DCPS: variants seen among roughly 807,000 people sequenced by gnomAD.
DCPS encodes decapping enzyme, scavenger.
In DCPS, 27 loss-of-function variants were observed where a neutral mutation model predicts 34.7. The observed-to-expected ratio is 0.78, with a 90% CI of 0.57 to 1.07. The LOEUF (loss-of-function observed/expected upper bound fraction) is 1.07. DCPS is among the 50% of genes least tolerant of loss of function. The probability of loss-of-function intolerance (pLI) is 0.00; values close to 1 mark genes in which losing one functional copy is unlikely to be tolerated. For synonymous variants in DCPS, 185 were observed against 185.7 expected, an observed-to-expected ratio of 1.00 and a Z score of 0.03; for missense variants, 464 against 436.9, an observed-to-expected ratio of 1.06 and a Z score of -0.55.
At chr11:126,304,808 C>A (rs1403913479) in intron 1 of DCPS, among the ~76,000 whole-genome samples, 1 of 152,236 alleles carries the variant, frequency 6.6e-6, no homozygotes, top group Admixed American at 6.5e-5. Context: ...AAGTTACCAT[C>A]CCTGATCTTC....
At chr11:126,330,719 A>ATATATATATATATT (rs1951781709) in intron 2 of DCPS, among the ~76,000 whole-genome samples, 1 of 18,884 alleles carries the variant, frequency 5.3e-5, no homozygotes, top group Non-Finnish European at 8.8e-5. Context: ...ATATATATAT[A>ATATATATATATATT]TTTTTTTTTT....
At chr11:126,321,504 C>G (rs1400617246) in intron 2 of DCPS, among the ~76,000 whole-genome samples, 1 of 152,054 alleles carries the variant, frequency 6.6e-6, no homozygotes, top group East Asian at 1.9e-4. Context: ...GAGAATCTGC[C>G]CAGCCCGAGA....
rs1951942358 is a variant in DCPS, at chr11:126,347,310, G to A, written c.*1697G>A. On this transcript the variant is annotated 3_prime_UTR_variant, in exon 6 of 6. Transcript: ENST00000263579. This position sits in a 1 kb window ranked among gnomAD's most constrained non-coding sequence, Gnocchi z 4.2. ...ACAATCTCGACTCACTGCAACCTCT[G>A]CCTCCTGGGTTCAAGTGATTCTCCT... Among the ~76,000 whole-genome samples the A allele has an allele frequency of 6.8e-6, 1 of 146,904 alleles. No individual in the cohort carries two copies. Among genetic ancestry groups the A allele is most frequent in the African/African-American group, 2.5e-5 (1 of 39,482 alleles).
chr11:126,331,438 A>G lies in DCPS; in HGVS notation c.410A>G (p.Glu137Gly). The change falls in exon 3 of 6, where the codon GAG becomes GGG. Residue 137 changes from glutamate to glycine, a missense_variant. By Grantham distance (98) the Glu-to-Gly change is moderately conservative. Transcript: ENST00000263579. This position sits in a 1 kb window ranked among gnomAD's most constrained non-coding sequence, Gnocchi z 7.2. The stretch of plus-strand genomic sequence containing the variant: ...ACGACCGTGGTTTACCCTGCCACAG[A>G]GAAACACCTGCAGAAGTACCTGCGC... ...VKTTVVYPAT[E>G]KHLQKYLRQD... 1.9e-6 allele frequency: 3 copies of G among 1,614,160 alleles called. No individual in the cohort carries two copies. The highest frequency in any genetic ancestry group is 1.3e-5 in the African/African-American group (1 of 75,042).
intron 2 of DCPS, among the ~76,000 whole-genome samples, chr11:126,324,147 T>C (rs1367574873): frequency 6.6e-6 from 1 of 152,174 alleles, no homozygotes; most frequent in Non-Finnish European, 1.5e-5. Flanking sequence ...GTTGTATTTC[T>C]ACAGTTATTG....
At chr11:126,340,202 C>A (rs1951865777) in intron 4 of DCPS, among the ~76,000 whole-genome samples, 1 of 152,228 alleles carries the variant, frequency 6.6e-6, no homozygotes, top group Non-Finnish European at 1.5e-5. Flanking sequence ...TTAGGAGCTG[C>A]ACTCTGGCTG....
chr11:126,314,100 T>A lies in DCPS; in HGVS notation c.376+7356T>A, dbSNP rs1001474516. 5.9e-5 allele frequency among the ~76,000 whole-genome samples: 9 copies of A among 152,362 alleles called. No individual in the cohort carries two copies. In the East Asian group the frequency reaches 1.7e-3, roughly 29 times the overall value. Reference sequence around the variant, plus strand: ...CCCTTCTTTGGGGTGTGGGGATGGCTGGGCCAGCCGCTTTTCTCCCCAATG... The same window carrying A: ...CCCTTCTTTGGGGTGTGGGGATGGCAGGGCCAGCCGCTTTTCTCCCCAATG... On this transcript the variant is annotated intron_variant, in intron 2 of 5. Transcript: ENST00000263579.
chr11:126,329,201 C>T lies in DCPS; in HGVS notation c.377-2204C>T, dbSNP rs1182173310. Among the ~76,000 whole-genome samples the T allele has an allele frequency of 6.6e-6, 1 of 152,210 alleles. No individual in the cohort carries two copies. Among genetic ancestry groups the T allele is most frequent in the Non-Finnish European group, 1.5e-5 (1 of 68,044 alleles). On this transcript the variant is annotated intron_variant, in intron 2 of 5. Coordinates refer to ENST00000263579, the MANE Select transcript of DCPS (RefSeq NM_014026.6). This position sits in a 1 kb window ranked among gnomAD's most constrained non-coding sequence, Gnocchi z 5.0. ...CCTATGACGCTGAGCTGTTAGAGAA[C>T]AGAGTGAGAAGCAAGAAAGAGTCTT...
chr11:126,311,331 G>A (rs1386301837), intron 2 of DCPS, among the ~76,000 whole-genome samples: 1 of 152,252 alleles, frequency 6.6e-6, no homozygotes, highest in Non-Finnish European at 1.5e-5. Flanking sequence ...TAACCATGAG[G>A]ACCTGGGACA....
intron 2 of DCPS, 132 bp downstream of exon 2, chr11:126,306,876 G>A (rs563995609): frequency 6.5e-5 from 72 of 1,103,534 alleles, no homozygotes; most frequent in Non-Finnish European, 8.6e-5. Context: ...TTCCCTAGGG[G>A]ACATTTGGCC....
In DCPS at chr11:126,313,888, C is replaced by A. The variant is rs138960467; in HGVS notation, c.376+7144C>A. On this transcript the variant is annotated intron_variant, in intron 2 of 5. Transcript: ENST00000263579. This position sits in a 1 kb window ranked among gnomAD's most constrained non-coding sequence, Gnocchi z 4.9. ...TGTTTTATATGTATAATGTATTTCC[C>A]AGTTGAAAGGTAAGACAAATTGGCA... Among the ~76,000 whole-genome samples the A allele has an allele frequency of 6.2e-3, 936 of 152,176 alleles. 2 individuals carry two copies. Among genetic ancestry groups the A allele is most frequent in the Middle Eastern group, 0.02 (6 of 294 alleles).
chr11:126,305,333 T>C (rs915777124), intron 1 of DCPS, among the ~76,000 whole-genome samples: 5 of 150,904 alleles, frequency 3.3e-5, no homozygotes, highest in Admixed American at 6.6e-5. Flanking sequence ...CAGGCTGGTC[T>C]CGAACTCCTG....
In DCPS at chr11:126,306,809, A is replaced by G. The variant is rs944102079; in HGVS notation, c.376+65A>G. The G allele has an allele frequency of 2.1e-5, 32 of 1,542,366 alleles. No individual in the cohort carries two copies. The African/African-American group carries it at 3.8e-4, about 18-fold the overall frequency. ...ATGGGATGGTGGGAAATTAGGTGGTATGGTGACCAGACTCTCTATACCCGA... is the reference window on the plus strand; with the variant it reads ...ATGGGATGGTGGGAAATTAGGTGGTGTGGTGACCAGACTCTCTATACCCGA... On this transcript the variant is annotated intron_variant, in intron 2 of 5. Coordinates refer to ENST00000263579, the MANE Select transcript of DCPS (RefSeq NM_014026.6).
rs368373811 is a variant in DCPS, at chr11:126,344,715, CT to C, written c.748-631del. Among the ~76,000 whole-genome samples, 1 of 152,166 alleles carries C rather than the reference CT, an allele frequency of 6.6e-6. No individual in the cohort carries two copies. Among genetic ancestry groups the C allele is most frequent in the African/African-American group, 2.4e-5 (1 of 41,430 alleles). On this transcript the variant is annotated intron_variant, in intron 5 of 5. Coordinates refer to ENST00000263579, the MANE Select transcript of DCPS (RefSeq NM_014026.6). This position sits in a 1 kb window ranked among gnomAD's most constrained non-coding sequence, Gnocchi z 8.1. The stretch of plus-strand genomic sequence containing the variant: ...GAGGTTGGTAGAAAAAGACCCACCC[CT>C]GAGCAAGGTGGAGGTGGGCAAAGGG...
intron 2 of DCPS, among the ~76,000 whole-genome samples, chr11:126,317,389 A>G (rs1473590205): frequency 1.4e-5 from 2 of 143,730 alleles, no homozygotes; most frequent in Non-Finnish European, 3.0e-5. Context: ...TCATTCTCAT[A>G]GCATTTTGCT....
rs998132202 is a variant in DCPS, at chr11:126,328,699, C to T, written c.377-2706C>T. On this transcript the variant is annotated intron_variant, in intron 2 of 5. Transcript: ENST00000263579. The surrounding 1 kb of genome is among the most constrained non-coding windows in gnomAD (Gnocchi z 6.6). Reference sequence around the variant, plus strand: ...CCCGCAGAACCCGGCTGCTCTCCAGCGCCCGCTCTGCCTCTGTGCCCTGCC... The same window carrying T: ...CCCGCAGAACCCGGCTGCTCTCCAGTGCCCGCTCTGCCTCTGTGCCCTGCC... Among the ~76,000 whole-genome samples the T allele has an allele frequency of 2.0e-5, 3 of 152,290 alleles. No individual in the cohort carries two copies. The highest frequency in any genetic ancestry group is 3.4e-3 in the Middle Eastern group (1 of 294).
chr11:126,331,951 G>T lies in DCPS; in HGVS notation c.522+401G>T, dbSNP rs1363779323. Among the ~76,000 whole-genome samples the T allele has an allele frequency of 2.0e-5, 3 of 152,144 alleles. No individual in the cohort carries two copies. Among genetic ancestry groups the T allele is most frequent in the African/African-American group, 7.2e-5 (3 of 41,418 alleles). Reference sequence around the variant, plus strand: ...GGGCATGCCATGGAGGCTCTCTGGGGACCTCAAAGCAATCCAGTCCTTTGG... The same window carrying T: ...GGGCATGCCATGGAGGCTCTCTGGGTACCTCAAAGCAATCCAGTCCTTTGG... On this transcript the variant is annotated intron_variant, in intron 3 of 5. Coordinates refer to ENST00000263579, the MANE Select transcript of DCPS (RefSeq NM_014026.6). The surrounding 1 kb of genome is among the most constrained non-coding windows in gnomAD (Gnocchi z 7.2).
At chr11:126,316,991 C>T (rs1472605867) in intron 2 of DCPS, among the ~76,000 whole-genome samples, 3 of 136,772 alleles carry the variant, frequency 2.2e-5, no homozygotes, top group Non-Finnish European at 4.6e-5. Flanking sequence ...TGGAGTCTCG[C>T]TCTGTCACCC....
In DCPS at chr11:126,338,990, C is replaced by T. The variant is rs905590248; in HGVS notation, c.636+591C>T. Among the ~76,000 whole-genome samples, 5 of 152,222 alleles carry T rather than the reference C, an allele frequency of 3.3e-5. No individual in the cohort carries two copies. The highest frequency in any genetic ancestry group is 9.6e-5 in the African/African-American group (4 of 41,458). On this transcript the variant is annotated intron_variant, in intron 4 of 5. Coordinates refer to ENST00000263579, the MANE Select transcript of DCPS (RefSeq NM_014026.6). The surrounding 1 kb of genome is among the most constrained non-coding windows in gnomAD (Gnocchi z 5.4). ...GTCCTCCCTCACAGGTATCCCTTTCCAGTTCCCTATGGTCTTCTGTCTCTC... is the reference window on the plus strand; with the variant it reads ...GTCCTCCCTCACAGGTATCCCTTTCTAGTTCCCTATGGTCTTCTGTCTCTC...
Sources: gnomAD v4.1 joint callset for allele counts (sites outside exome capture counted in the v4.1 genomes callset) on GRCh38, gnomAD v4.1.1 for gene constraint, Gnocchi (gnomAD v3.1) non-coding constraint, MANE v1.5 for transcripts, NCBI Gene and HGNC (gene_info 2026-07-23, HGNC 2026-07-21) for gene names.